Variants in SIPA1L2 observed in about 807,000 individuals in gnomAD.
SIPA1L2 encodes signal induced proliferation associated 1 like 2.
A neutral mutation model predicts 163.9 loss-of-function variants in SIPA1L2; 56 were observed. That is an observed-to-expected ratio of 0.34 (90% CI 0.28 to 0.43). The LOEUF is 0.43. SIPA1L2 is among the 20% of genes least tolerant of loss of function. The probability of loss-of-function intolerance (pLI) is 1.00; values close to 1 mark genes in which losing one functional copy is unlikely to be tolerated. For missense variants in SIPA1L2, 1,974 were observed against 2,193.5 expected (o/e 0.90, Z 2.00); for synonymous variants, 877 against 865.7 (o/e 1.01, Z -0.23).
intron 2 of SIPA1L2, among the ~76,000 whole-genome samples, chr1:232,558,478 G>T (rs1416978008): frequency 6.6e-6 from 1 of 152,212 alleles, no homozygotes; most frequent in Non-Finnish European, 1.5e-5. Flanking sequence ...TTCAGGAAGG[G>T]AATATGGCAC....
At chr1:232,434,408 T>C (rs1462886771) in intron 15 of SIPA1L2, among the ~76,000 whole-genome samples, 1 of 152,168 alleles carries the variant, frequency 6.6e-6, no homozygotes, top group Non-Finnish European at 1.5e-5. Context: ...AGAAACTTAG[T>C]TGCTGGTGGC....
rs201047593 is a variant in SIPA1L2, at chr1:232,443,634, G to C, written c.3405C>G (p.Ser1135Arg). 6.8e-6 allele frequency: 11 copies of C among 1,608,648 alleles called. No homozygotes were observed. The highest frequency in any genetic ancestry group is 1.7e-6 in the Non-Finnish European group (2 of 1,177,558). Residue 1135 changes from serine (S) to arginine (R), a missense_variant, in exon 12 of 23, where the codon AGC becomes AGG. Physicochemically the swap from Ser to Arg is moderately radical, Grantham distance 110 (BLOSUM62 -1). Transcript: ENST00000674635. ...SSSSDPGPGG[S>R]GPWRPQVGYD... ...AGCCCACTTGTGGTCTCCAGGGTCC[G>C]CTCCCGCCGGGTCCAGGGTCGCTGG...
At chr1:232,535,364 T>G (rs954129781) in intron 2 of SIPA1L2, among the ~76,000 whole-genome samples, 1 of 152,306 alleles carries the variant, frequency 6.6e-6, no homozygotes. Flanking sequence ...ATTATAAATC[T>G]CTATTTTCAC....
intron 1 of SIPA1L2, among the ~76,000 whole-genome samples, chr1:232,601,516 A>C (rs1661592992): frequency 6.6e-6 from 1 of 152,220 alleles, no homozygotes; most frequent in African/African-American, 2.4e-5. Flanking sequence ...TTCTTTGATG[A>C]TTAATTATAG....
At chr1:232,481,969 A>C (rs1265100277) in intron 6 of SIPA1L2, among the ~76,000 whole-genome samples, 2 of 152,186 alleles carry the variant, frequency 1.3e-5, no homozygotes, top group Admixed American at 1.3e-4. Flanking sequence ...CGAAAGACAT[A>C]ATTTTTATCT....
intron 1 of SIPA1L2, among the ~76,000 whole-genome samples, chr1:232,628,326 T>C (rs1474826731): frequency 1.3e-5 from 2 of 152,234 alleles, no homozygotes; most frequent in African/African-American, 2.4e-5. Context: ...CAATGGAATC[T>C]TTTAGGAAGA....
intron 2 of SIPA1L2, among the ~76,000 whole-genome samples, chr1:232,540,662 G>A (rs1657599002): frequency 6.6e-6 from 1 of 151,976 alleles, no homozygotes; most frequent in Admixed American, 6.6e-5. Flanking sequence ...CAAGCAACTG[G>A]GGAAAAAACA....
At chr1:232,625,438 A>G (rs1663022909) in intron 1 of SIPA1L2, among the ~76,000 whole-genome samples, 1 of 152,228 alleles carries the variant, frequency 6.6e-6, no homozygotes, top group African/African-American at 2.4e-5. Context: ...AAGCAAAACC[A>G]CAGCGCAATA....
At chr1:232,525,152 G>GTT (rs1270574672) in intron 2 of SIPA1L2, among the ~76,000 whole-genome samples, 7 of 137,410 alleles carry the variant, frequency 5.1e-5, no homozygotes, top group African/African-American at 1.3e-4. Context: ...TTAATTTAAC[G>GTT]TTTTTTTTTT....
chr1:232,462,044 A>G (rs2102921271), intron 9 of SIPA1L2: 2 of 697,588 alleles, frequency 2.9e-6, no homozygotes, highest in East Asian at 2.7e-5. Flanking sequence ...GGCAGCCCCA[A>G]GCAATGGAAG....
intron 6 of SIPA1L2, among the ~76,000 whole-genome samples, chr1:232,481,762 T>A (rs1665370395): frequency 6.6e-6 from 1 of 152,142 alleles, no homozygotes; most frequent in African/African-American, 2.4e-5. Flanking sequence ...GTGGCTCAAA[T>A]CCCCTATGTT....
intron 1 of SIPA1L2, among the ~76,000 whole-genome samples, chr1:232,626,009 G>A (rs1454606367): frequency 6.6e-6 from 1 of 152,166 alleles, no homozygotes; most frequent in Non-Finnish European, 1.5e-5. Context: ...ATCCACGAGT[G>A]GGGTAATTTT....
rs1665857872 is a variant in SIPA1L2, at chr1:232,490,227, C to G, written c.1806+647G>C. ...TTTGTAAAGAAACTAGTCATAGTTC[C>G]TAAAACAGCAACTACTCATGTCTCC... On this transcript the variant is annotated intron_variant, in intron 5 of 22. Coordinates refer to ENST00000674635, the MANE Select transcript of SIPA1L2 (RefSeq NM_020808.5). Among the ~76,000 whole-genome samples the G allele has an allele frequency of 2.0e-5, 3 of 152,112 alleles. 1 individual carries two copies. In the South Asian group the frequency reaches 6.2e-4, roughly 32 times the overall value.
At chr1:232,613,009 A>G (rs1459809899) in intron 1 of SIPA1L2, among the ~76,000 whole-genome samples, 1 of 152,170 alleles carries the variant, frequency 6.6e-6, no homozygotes, top group Non-Finnish European at 1.5e-5. Context: ...GTGGTACTGA[A>G]TAAGTCTCAC....
chr1:232,399,477 T>C (rs1230922289), intron 22 of SIPA1L2, among the ~76,000 whole-genome samples: 1 of 152,000 alleles, frequency 6.6e-6, no homozygotes, highest in Admixed American at 6.6e-5. Flanking sequence ...CCACACACCC[T>C]GTTCTTTCAT....
intron 1 of SIPA1L2, among the ~76,000 whole-genome samples, chr1:232,609,897 C>T (rs985110213): frequency 1.3e-5 from 2 of 150,848 alleles, no homozygotes; most frequent in Non-Finnish European, 3.0e-5. Flanking sequence ...AAATTAAAAT[C>T]TTAAAATAAT....
intron 1 of SIPA1L2, among the ~76,000 whole-genome samples, chr1:232,627,557 C>T (rs950381953): frequency 2.0e-5 from 3 of 152,036 alleles, no homozygotes; most frequent in African/African-American, 7.2e-5. Flanking sequence ...CTTCCAAATC[C>T]ATATTACACA....
intron 2 of SIPA1L2, among the ~76,000 whole-genome samples, chr1:232,562,158 G>T (rs1659073780): frequency 6.6e-6 from 1 of 152,190 alleles, no homozygotes; most frequent in African/African-American, 2.4e-5. Flanking sequence ...AAACCAAAAT[G>T]CTGCCCTTGG....
At chr1:232,460,496 G>A (rs577833104) in intron 10 of SIPA1L2, among the ~76,000 whole-genome samples, 1 of 152,152 alleles carries the variant, frequency 6.6e-6, no homozygotes, top group South Asian at 2.1e-4. Context: ...TCATGTTATG[G>A]GAAGAAATTC....
Sources: allele counts gnomAD v4.1 joint callset (sites outside exome capture counted in the v4.1 genomes callset), GRCh38; gene constraint gnomAD v4.1.1; transcripts MANE v1.5; gene names NCBI Gene and HGNC (gene_info 2026-07-23, HGNC 2026-07-21).